Variants in CAMTA1 observed in about 807,000 individuals in gnomAD.
CAMTA1 encodes calmodulin-binding transcription activator 1.
In CAMTA1, 27 loss-of-function variants were observed where a neutral mutation model predicts 170.9. The observed-to-expected ratio is 0.16, with a 90% CI of 0.12 to 0.22. The LOEUF (loss-of-function observed/expected upper bound fraction) is 0.22, where lower values mean the gene tolerates loss of function less well. Among genes scored for constraint, CAMTA1 ranks in the 10% least tolerant of loss-of-function variants. CAMTA1 has a pLI of 1.00. For synonymous variants in CAMTA1, 833 were observed against 891.5 expected (o/e 0.93, Z 1.17); for missense variants, 1,619 against 2,217.2 (o/e 0.73, Z 5.42).
At chr1:7,442,951 C>G (rs577131381) in intron 5 of CAMTA1, among the ~76,000 whole-genome samples, 2 of 152,112 alleles carry the variant, frequency 1.3e-5, no homozygotes, top group Non-Finnish European at 2.9e-5. Flanking sequence ...CCTGGCCTTC[C>G]CAGATGCCAC....
intron 3 of CAMTA1, among the ~76,000 whole-genome samples, chr1:6,919,373 G>T (rs1681503792): frequency 6.6e-6 from 1 of 152,238 alleles, no homozygotes; most frequent in Admixed American, 6.5e-5. Context: ...GGCATGTGGG[G>T]CTGTGTTAAG....
Position 7,140,300 on chromosome 1 carries a change from T to C in CAMTA1, c.302+48929T>C, listed in dbSNP as rs192320088. On this transcript the variant is annotated intron_variant, in intron 4 of 22. Coordinates refer to ENST00000303635, the MANE Select transcript of CAMTA1 (RefSeq NM_015215.4). Reference sequence around the variant, plus strand: ...TTAATTGCAGAAAACATGCAACCTGTGATGAATAGATTAACATGGCAACTT... The same window carrying C: ...TTAATTGCAGAAAACATGCAACCTGCGATGAATAGATTAACATGGCAACTT... Among the ~76,000 whole-genome samples the C allele has an allele frequency of 4.7e-4, 71 of 152,300 alleles. No individual in the cohort carries two copies. In the East Asian group the frequency reaches 0.014, roughly 29 times the overall value.
At chr1:7,423,180 A>G (rs1330884309) in intron 5 of CAMTA1, among the ~76,000 whole-genome samples, 1 of 152,172 alleles carries the variant, frequency 6.6e-6, no homozygotes, top group African/African-American at 2.4e-5. Context: ...GTTTAGAAGC[A>G]GTGCACAGGG....
intron 5 of CAMTA1, among the ~76,000 whole-genome samples, chr1:7,255,174 A>G (rs1667179859): frequency 6.6e-6 from 1 of 152,106 alleles, no homozygotes; most frequent in Non-Finnish European, 1.5e-5. Context: ...CATTAGGAGA[A>G]ATACCTAATG....
intron 3 of CAMTA1, among the ~76,000 whole-genome samples, chr1:6,836,759 A>G (rs1653334987): frequency 6.6e-6 from 1 of 152,146 alleles, no homozygotes; most frequent in Non-Finnish European, 1.5e-5. Flanking sequence ...CATGTGCAAG[A>G]AACAAGGAAG....
At chr1:7,337,803 C>T (rs762232370) in intron 5 of CAMTA1, among the ~76,000 whole-genome samples, 3 of 152,154 alleles carry the variant, frequency 2.0e-5, no homozygotes, top group East Asian at 1.9e-4. Flanking sequence ...AACCTAGAAG[C>T]GCTGCCTGAG....
intron 6 of CAMTA1, among the ~76,000 whole-genome samples, chr1:7,525,402 C>T (rs142745995): frequency 1.3e-5 from 2 of 152,156 alleles, no homozygotes; most frequent in Non-Finnish European, 2.9e-5. Flanking sequence ...AGGCTCCCCC[C>T]ATCTCCACAT....
intron 4 of CAMTA1, among the ~76,000 whole-genome samples, chr1:7,166,482 A>G (rs1370170739): frequency 6.6e-6 from 1 of 152,198 alleles, no homozygotes; most frequent in Non-Finnish European, 1.5e-5. Flanking sequence ...CCCAACTACA[A>G]GTGGAGTGTG....
intron 5 of CAMTA1, among the ~76,000 whole-genome samples, chr1:7,322,975 C>T (rs1180075135): frequency 5.9e-5 from 7 of 118,980 alleles, no homozygotes; most frequent in Non-Finnish European, 8.2e-5. Context: ...CTCCGTTCCT[C>T]CCTTTCCCCT....
At chr1:7,277,982 A>G (rs1441599871) in intron 5 of CAMTA1, among the ~76,000 whole-genome samples, 2 of 152,212 alleles carry the variant, frequency 1.3e-5, no homozygotes, top group African/African-American at 4.8e-5. Context: ...ATCTTTATTT[A>G]TAGTAAGCCC....
intron 22 of CAMTA1, among the ~76,000 whole-genome samples, chr1:7,762,023 G>A (rs749586836): frequency 2.0e-5 from 3 of 152,102 alleles, no homozygotes; most frequent in Admixed American, 2.0e-4. Context: ...GTATGGTGAT[G>A]TGTACCTGTA....
chr1:7,365,975 GGGCTCACTT>G (rs2085936451), intron 5 of CAMTA1, among the ~76,000 whole-genome samples: 1 of 152,146 alleles, frequency 6.6e-6, no homozygotes, highest in Non-Finnish European at 1.5e-5. Context: ...ATGGCCCTCT[GGGCTCACTT>G]GGCACTATCA....
chr1:7,452,815 G>A (rs942931165), intron 5 of CAMTA1, among the ~76,000 whole-genome samples: 2 of 152,240 alleles, frequency 1.3e-5, no homozygotes, highest in Non-Finnish European at 2.9e-5. Flanking sequence ...GTGTGCCACT[G>A]TAGATATGTG....
intron 4 of CAMTA1, among the ~76,000 whole-genome samples, chr1:7,128,030 G>T (rs376723529): frequency 6.6e-6 from 1 of 152,206 alleles, no homozygotes; most frequent in East Asian, 1.9e-4. Flanking sequence ...TGGAATTTTG[G>T]TATGTGCTAA....
chr1:7,645,404 G>T (rs1479808770), intron 7 of CAMTA1, among the ~76,000 whole-genome samples: 1 of 152,258 alleles, frequency 6.6e-6, no homozygotes, highest in Non-Finnish European at 1.5e-5. Context: ...CAGCCCAGGA[G>T]GGGATGGCAC....
At position 6,918,055 on chromosome 1, in the gene CAMTA1, C is replaced by G. The variant is rs1243666521; in HGVS notation, c.234+92845C>G. ...TCACATCTAGAAGGCCCCAAATGCC[C>G]AAGTTCTTGGGCCTTGCTTGCTTGT... On this transcript the variant is annotated intron_variant, in intron 3 of 22. Coordinates refer to ENST00000303635, the MANE Select transcript of CAMTA1 (RefSeq NM_015215.4). The surrounding 1 kb of genome is among the most constrained non-coding windows in gnomAD (Gnocchi z 4.0). Among the ~76,000 whole-genome samples the G allele has an allele frequency of 6.6e-6, 1 of 152,110 alleles. No homozygotes were observed. Among genetic ancestry groups the G allele is most frequent in the African/African-American group, 2.4e-5 (1 of 41,402 alleles).
chr1:7,052,362 G>A (rs918301316), intron 3 of CAMTA1, among the ~76,000 whole-genome samples: 7 of 152,056 alleles, frequency 4.6e-5, no homozygotes, highest in Non-Finnish European at 8.8e-5. Context: ...CTCATCCCTA[G>A]GCCCTGGGTC....
At chr1:7,491,718 G>A (rs961908900) in intron 6 of CAMTA1, among the ~76,000 whole-genome samples, 1 of 152,194 alleles carries the variant, frequency 6.6e-6, no homozygotes, top group Non-Finnish European at 1.5e-5. Flanking sequence ...GCTGCTTCAA[G>A]GCATCCTTTA....
chr1:7,470,069 C>T (rs1043005221), intron 6 of CAMTA1, among the ~76,000 whole-genome samples: 8 of 152,230 alleles, frequency 5.3e-5, no homozygotes, highest in East Asian at 1.9e-4. Flanking sequence ...TCTTCATGGC[C>T]GAGCTGGGGC....
Sources: gnomAD v4.1 joint callset for allele counts (sites outside exome capture counted in the v4.1 genomes callset) on GRCh38, gnomAD v4.1.1 for gene constraint, Gnocchi (gnomAD v3.1) non-coding constraint, MANE v1.5 for transcripts, NCBI Gene and HGNC (gene_info 2026-07-23, HGNC 2026-07-21) for gene names.